TSHZ1: variants seen among roughly 807,000 people sequenced by gnomAD.
The protein encoded by TSHZ1 is teashirt homolog 1.
A neutral mutation model predicts 67.1 loss-of-function variants in TSHZ1; 12 were observed. The ratio of observed to expected loss-of-function variants is 0.18; its 90% CI spans 0.11 to 0.29. TSHZ1 has a LOEUF of 0.29. TSHZ1 is among the 10% of genes least tolerant of loss of function. The pLI, the probability that TSHZ1 is intolerant of heterozygous loss-of-function variation, is 1.00. For missense variants in TSHZ1, 1,305 were observed against 1,413.9 expected (o/e 0.92, Z 1.23); for synonymous variants, 632 against 622.4 (o/e 1.02, Z -0.23).
At chr18:75,222,165 G>A (rs1283292083) in intron 1 of TSHZ1, among the ~76,000 whole-genome samples, 1 of 151,986 alleles carries the variant, frequency 6.6e-6, no homozygotes, top group Admixed American at 6.6e-5. Context: ...GTGTGCTTGG[G>A]TTAGAGGGGG....
chr18:75,247,511 AG>A (rs2023239181), intron 1 of TSHZ1, among the ~76,000 whole-genome samples: 1 of 152,240 alleles, frequency 6.6e-6, no homozygotes, highest in South Asian at 2.1e-4. Flanking sequence ...TTGCCCCTTA[AG>A]TTATCTTACT....
In TSHZ1 at chr18:75,288,606, C is replaced by T. The variant is rs962017239; in HGVS notation, c.3199C>T (p.His1067Tyr). The change falls in exon 2 of 2, where the codon CAC becomes TAC. Residue 1067 changes from histidine (H) to tyrosine (Y), a missense_variant. By Grantham distance (83) the His-to-Tyr change is moderately conservative. Transcript: ENST00000580243. This position sits in a 1 kb window ranked among gnomAD's most constrained non-coding sequence, Gnocchi z 4.9. ...SKTHGKSPED[H>Y]LIYVTELEKQ The stretch of plus-strand genomic sequence containing the variant: ...GACCCACGGCAAGTCTCCCGAGGAC[C>T]ACCTGATCTATGTGACTGAGTTGGA... The T allele has an allele frequency of 1.2e-6, 2 of 1,608,712 alleles. No individual in the cohort carries two copies. The highest frequency in any genetic ancestry group is 2.7e-5 in the African/African-American group (2 of 74,646).
In TSHZ1 at chr18:75,211,810, G is replaced by GC; in HGVS notation, c.-63dup. 9.7e-7 allele frequency: 1 copy of GC among 1,035,982 alleles called. No individual in the cohort carries two copies. The highest frequency in any genetic ancestry group is 1.2e-6 in the Non-Finnish European group (1 of 861,224). The allele number at this position is 1,035,982 out of a possible 1,614,324, so 64.2% of individuals were successfully genotyped here. On this transcript the variant is annotated 5_prime_UTR_variant, in exon 1 of 2. It removes the in-frame stop codon of an upstream open reading frame in the 5' UTR. Coordinates refer to ENST00000580243, the MANE Select transcript of TSHZ1 (RefSeq NM_001308210.2). ...CCGCGGAGTTGCGCCCGCGCCCGGG[G>GC]CCCCGCGTCCCCGCGCCCCGCGAAC...
rs537935182 is a variant in TSHZ1, at chr18:75,259,055, G to T, written c.41-26393G>T. Among the ~76,000 whole-genome samples, 7 of 152,234 alleles carry T rather than the reference G, an allele frequency of 4.6e-5. No individual in the cohort carries two copies. The South Asian group carries it at 1.2e-3, about 27-fold the overall frequency. On this transcript the variant is annotated intron_variant, in intron 1 of 1. Coordinates refer to ENST00000580243, the MANE Select transcript of TSHZ1 (RefSeq NM_001308210.2). ...CCCCTCAAGGTAACCAATAGGAGCCGCCTGTTTCTGTTTTCCTCACCTTTC... is the reference window on the plus strand; with the variant it reads ...CCCCTCAAGGTAACCAATAGGAGCCTCCTGTTTCTGTTTTCCTCACCTTTC...
chr18:75,212,944 C>T lies in TSHZ1; in HGVS notation c.40+1028C>T, dbSNP rs1345058087. Among the ~76,000 whole-genome samples, 3 of 152,120 alleles carry T rather than the reference C, an allele frequency of 2.0e-5. No homozygotes were observed. In the East Asian group the frequency reaches 5.8e-4, roughly 29 times the overall value. ...TGCAACCCATATGCCAGTGAGTTATCGCTAAATAATAGAGTAAATCAACTC... is the reference window on the plus strand; with the variant it reads ...TGCAACCCATATGCCAGTGAGTTATTGCTAAATAATAGAGTAAATCAACTC... On this transcript the variant is annotated intron_variant, in intron 1 of 1. Coordinates refer to ENST00000580243, the MANE Select transcript of TSHZ1 (RefSeq NM_001308210.2).
intron 1 of TSHZ1, chr18:75,244,521 G>A (rs564240905): frequency 2.0e-5 from 3 of 152,354 alleles, no homozygotes; most frequent in East Asian, 1.9e-4. Context: ...AGTGGCCCCT[G>A]TTGGCTGGTG....
At chr18:75,285,268 G>A in intron 1 of TSHZ1, 180 bp from the exon 2 acceptor site, 2 of 585,432 alleles carry the variant, frequency 3.4e-6, no homozygotes, top group South Asian at 4.1e-5. Context: ...ACACTCAGGA[G>A]GGGACAGCAC....
At chr18:75,258,428 G>C (rs977559662) in intron 1 of TSHZ1, among the ~76,000 whole-genome samples, 1 of 152,110 alleles carries the variant, frequency 6.6e-6, no homozygotes, top group African/African-American at 2.4e-5. Flanking sequence ...TCCTGTAAAG[G>C]TTAGATAGCT....
At chr18:75,222,205 G>A (rs953529706) in intron 1 of TSHZ1, among the ~76,000 whole-genome samples, 11 of 150,812 alleles carry the variant, frequency 7.3e-5, no homozygotes, top group African/African-American at 2.7e-4. Flanking sequence ...TTTTATTTTT[G>A]CAGTGGAAAA....
At chr18:75,280,828 A>T in intron 1 of TSHZ1, 1 of 985,406 alleles carries the variant, frequency 1.0e-6, no homozygotes, top group Non-Finnish European at 1.2e-6. Flanking sequence ...ACAGCTCCAG[A>T]TTCTTCCAGG....
chr18:75,262,935 G>C (rs1444322600), intron 1 of TSHZ1, among the ~76,000 whole-genome samples: 1 of 152,068 alleles, frequency 6.6e-6, no homozygotes, highest in Non-Finnish European at 1.5e-5. Flanking sequence ...CTCCAACCCT[G>C]CCATTTTCAT....
chr18:75,248,251 C>A (rs1297869637), intron 1 of TSHZ1, among the ~76,000 whole-genome samples: 1 of 152,200 alleles, frequency 6.6e-6, no homozygotes, highest in Non-Finnish European at 1.5e-5. Context: ...TATTCTACTT[C>A]AAGTATAAGG....
chr18:75,263,004 G>A (rs2023449032), intron 1 of TSHZ1, among the ~76,000 whole-genome samples: 1 of 152,168 alleles, frequency 6.6e-6, no homozygotes, highest in African/African-American at 2.4e-5. Flanking sequence ...TCCCAGCAGT[G>A]TCGTATGATT....
At chr18:75,229,719 AG>A (rs1261548840) in intron 1 of TSHZ1, among the ~76,000 whole-genome samples, 1 of 152,226 alleles carries the variant, frequency 6.6e-6, no homozygotes, top group Non-Finnish European at 1.5e-5. Context: ...GAAAGCAGGA[AG>A]CTGTTTTTGG....
chr18:75,287,763 G>A lies in TSHZ1; in HGVS notation c.2356G>A (p.Val786Met). The A allele has an allele frequency of 6.2e-7, 1 of 1,614,192 alleles. No homozygotes were observed. Among genetic ancestry groups the A allele is most frequent in the Non-Finnish European group, 8.5e-7 (1 of 1,180,050 alleles). ...KISNSMLDKP[V>M]YPATPVKQAD... is the part of the protein sequence containing the mutation. ...CAGCAACAGCATGCTGGACAAGCCGGTGTACCCCGCCACCCCTGTGAAGCA... is the reference window on the plus strand; with the variant it reads ...CAGCAACAGCATGCTGGACAAGCCGATGTACCCCGCCACCCCTGTGAAGCA... The change falls in exon 2 of 2, where the codon GTG becomes ATG. Residue 786 changes from valine (V) to methionine (M), a missense_variant. Coordinates refer to ENST00000580243, the MANE Select transcript of TSHZ1 (RefSeq NM_001308210.2). This position sits in a 1 kb window ranked among gnomAD's most constrained non-coding sequence, Gnocchi z 5.0.
intron 1 of TSHZ1, among the ~76,000 whole-genome samples, chr18:75,246,974 G>A (rs1191514670): frequency 1.3e-5 from 2 of 152,160 alleles, no homozygotes; most frequent in South Asian, 2.1e-4. Flanking sequence ...TAGAGGGAGC[G>A]GGAGTGGAGG....
intron 1 of TSHZ1, among the ~76,000 whole-genome samples, chr18:75,240,412 T>C (rs1299885892): frequency 6.6e-6 from 1 of 152,118 alleles, no homozygotes; most frequent in Non-Finnish European, 1.5e-5. Flanking sequence ...TTTAGTGAGT[T>C]ATATAGATAA....
At chr18:75,219,860 G>A (rs774539214) in intron 1 of TSHZ1, among the ~76,000 whole-genome samples, 15 of 152,342 alleles carry the variant, frequency 9.8e-5, no homozygotes, top group South Asian at 6.2e-4. Context: ...GAAGGCACGC[G>A]TAGGTGTGCA....
At chr18:75,248,115 A>G (rs1408338361) in intron 1 of TSHZ1, among the ~76,000 whole-genome samples, 1 of 152,232 alleles carries the variant, frequency 6.6e-6, no homozygotes, top group Non-Finnish European at 1.5e-5. Context: ...TGAAAAATAT[A>G]TGTGAGCTTA....
Sources: gnomAD v4.1 joint callset for allele counts (sites outside exome capture counted in the v4.1 genomes callset) on GRCh38, gnomAD v4.1.1 for gene constraint, Gnocchi (gnomAD v3.1) non-coding constraint, MANE v1.5 for transcripts, NCBI Gene and HGNC (gene_info 2026-07-23, HGNC 2026-07-21) for gene names.